SMG1: variants seen among roughly 807,000 people sequenced by gnomAD.
The protein encoded by SMG1 is SMG1 nonsense mediated mRNA decay associated PI3K related kinase.
Under a neutral mutation model 419.9 loss-of-function variants are expected in SMG1, and 22 were observed. The observed-to-expected ratio is 0.05, with a 90% CI of 0.04 to 0.07. The LOEUF (loss-of-function observed/expected upper bound fraction) is 0.07. SMG1 is among the 10% of genes least tolerant of loss of function. The pLI is 1.00. For missense variants in SMG1, 3,185 were observed against 4,342.0 expected (o/e 0.73, Z 7.49); for synonymous variants, 1,538 against 1,553.5 (o/e 0.99, Z 0.23).
At chr16:18,815,389 C>T in intron 59 of SMG1, 51 bp downstream of exon 59, 2 of 1,579,126 alleles carry the variant, frequency 1.3e-6, no homozygotes, top group Non-Finnish European at 8.7e-7. Flanking sequence ...CTTCTTATAC[C>T]AGTAGTTTTG....
chr16:18,861,043 T>C (rs35295984), intron 25 of SMG1: 138,671 of 355,744 alleles, frequency 0.39, 30,230 homozygotes, highest in East Asian at 0.58. Flanking sequence ...GTCTCCTTCC[T>C]GTTTTCATGT....
intron 3 of SMG1, 134 bp from the exon 4 acceptor site, chr16:18,892,488 G>T (rs1226747011): frequency 1.5e-6 from 1 of 664,472 alleles, no homozygotes; most frequent in Non-Finnish European, 2.4e-6. Flanking sequence ...CCAGTACTTT[G>T]GAAGGCGGGT....
chr16:18,849,568 T>G (rs1421109311), intron 35 of SMG1, among the ~76,000 whole-genome samples, 190 bp from the exon 36 acceptor site: 1 of 152,164 alleles, frequency 6.6e-6, no homozygotes. Flanking sequence ...CTGGTTAAGG[T>G]TGGTTTAGAT....
chr16:18,858,237 G>A lies in SMG1; in HGVS notation c.4167C>T (p.Asp1389=), dbSNP rs764504384. The part of the protein sequence containing the change: ...SEALRSCKQH[D]VRPWMQALRY... ...TTAATGCCTGCATCCATGGCCTCACGTCATGCTGTTTACATGAACGTAAAG... is the reference window on the plus strand; with the variant it reads ...TTAATGCCTGCATCCATGGCCTCACATCATGCTGTTTACATGAACGTAAAG... The change falls in exon 29 of 63, where the codon GAC becomes GAT. Residue 1389 remains aspartate (D), a synonymous_variant. Coordinates refer to ENST00000446231, the MANE Select transcript of SMG1 (RefSeq NM_015092.5). 6.8e-6 allele frequency: 11 copies of A among 1,609,404 alleles called. No homozygotes were observed. Among genetic ancestry groups the A allele is most frequent in the South Asian group, 2.2e-5 (2 of 90,200 alleles).
At chr16:18,827,578 AAT>A (rs2032809851) in intron 55 of SMG1, among the ~76,000 whole-genome samples, 1 of 141,954 alleles carries the variant, frequency 7.0e-6, no homozygotes, top group African/African-American at 2.6e-5. Context: ...AATATACCAA[AAT>A]ATATATTTTT....
intron 58 of SMG1, 134 bp downstream of exon 58, chr16:18,816,167 AG>A (rs551296774): frequency 9.5e-5 from 68 of 714,998 alleles, no homozygotes; most frequent in Non-Finnish European, 1.4e-4. Flanking sequence ...AAGTTAACTC[AG>A]TTACAAACAA....
chr16:18,811,613 G>C (rs961693258), intron 62 of SMG1, 148 bp downstream of exon 62: 13 of 761,152 alleles, frequency 1.7e-5, no homozygotes, highest in Admixed American at 4.4e-5. Context: ...GACGACGCCA[G>C]AGCTGTGTTA....
intron 39 of SMG1, among the ~76,000 whole-genome samples, chr16:18,842,952 A>G (rs2034011474): frequency 6.6e-6 from 1 of 152,242 alleles, no homozygotes; most frequent in African/African-American, 2.4e-5. Flanking sequence ...GCCGATGTGC[A>G]TTACAGGATT....
At chr16:18,834,834 G>A in intron 49 of SMG1, 58 bp downstream of exon 49, 1 of 1,541,148 alleles carries the variant, frequency 6.5e-7, no homozygotes. Flanking sequence ...GAACATTTTA[G>A]GTTTGGGATT....
chr16:18,915,729 G>A (rs537937100), intron 1 of SMG1, among the ~76,000 whole-genome samples: 2 of 152,206 alleles, frequency 1.3e-5, no homozygotes, highest in African/African-American at 4.8e-5. Context: ...CTTGACTGAG[G>A]TCATGGTTAC....
chr16:18,807,714 A>T lies in SMG1; in HGVS notation c.*1855T>A, dbSNP rs2030969667. The T allele has an allele frequency of 6.6e-6, 1 of 152,086 alleles. No homozygotes were observed. Among genetic ancestry groups the T allele is most frequent in the Admixed American group, 6.5e-5 (1 of 15,268 alleles). 9.4% of individuals were successfully genotyped at this position (152,086 alleles called of 1,614,324 possible). On this transcript the variant is annotated 3_prime_UTR_variant, in exon 63 of 63. Transcript: ENST00000446231. ...GCAACTAGAAAGTGACCACTGTCCT[A>T]ATCTCTAAAATGCAGGGAAAATGTA... is the stretch of plus-strand genomic sequence containing the variant.
intron 22 of SMG1, among the ~76,000 whole-genome samples, chr16:18,867,906 C>CA (rs2035611383): frequency 6.6e-6 from 1 of 151,716 alleles, no homozygotes; most frequent in Admixed American, 6.6e-5. Flanking sequence ...GGCGGGGTTT[C>CA]ACTGTGTTAG....
At position 18,819,526 on chromosome 16, in the gene SMG1, A is replaced by T; in HGVS notation, c.9870T>A (p.Leu3290=). 1 of 1,610,302 alleles carries T rather than the reference A, an allele frequency of 6.2e-7. No homozygotes were observed. Among genetic ancestry groups the T allele is most frequent in the Non-Finnish European group, 8.5e-7 (1 of 1,178,074 alleles). Residue 3290 remains leucine (L), a synonymous_variant, in exon 56 of 63, where the codon CTT becomes CTA. Transcript: ENST00000446231. ...ATIAERRNLV[L]KESQRASQVT... ...CCTGACTTGCTCTTTGGCTCTCTTTAAGGACAAGATTTCTTCTTTCAGCTA... is the reference window on the plus strand; with the variant it reads ...CCTGACTTGCTCTTTGGCTCTCTTTTAGGACAAGATTTCTTCTTTCAGCTA...
intron 1 of SMG1, chr16:18,925,696 A>G: frequency 1.3e-5 from 1 of 77,186 alleles, no homozygotes; most frequent in Non-Finnish European, 2.4e-5. Context: ...TCCCGACCCC[A>G]GGCCAGTGCC....
At chr16:18,860,338 T>C (rs940178030) in intron 26 of SMG1, among the ~76,000 whole-genome samples, 1 of 152,242 alleles carries the variant, frequency 6.6e-6, no homozygotes, top group Non-Finnish European at 1.5e-5. Context: ...TTATAAAGTG[T>C]TCTATTTGTG....
chr16:18,853,506 A>G (rs747277508), intron 31 of SMG1, 77 bp downstream of exon 31: 277 of 1,233,052 alleles, frequency 2.2e-4, no homozygotes, highest in Non-Finnish European at 2.7e-4. Flanking sequence ...TATAGCCAGC[A>G]TAACATTATA....
Position 18,897,808 on chromosome 16 carries a change from AAAG to A in SMG1, c.93-855_93-853del, listed in dbSNP as rs562579614. On this transcript the variant is annotated intron_variant, in intron 1 of 62. Transcript: ENST00000446231. ...CAGCCATCAATCATAAACTATCAAG[AAAG>A]AAGACAACAAAATAATCTATTATAG... is the stretch of plus-strand genomic sequence containing the variant. Among the ~76,000 whole-genome samples, 408 of 152,266 alleles carry A rather than the reference AAAG, an allele frequency of 2.7e-3. 3 individuals carry two copies. The highest frequency in any genetic ancestry group is 9.3e-3 in the African/African-American group (387 of 41,566).
In SMG1 at chr16:18,814,063, A is replaced by T. The variant is rs950795064; in HGVS notation, c.10621+1112T>A. ...AAAAAAAAATTAAATTAAATTAAAA[A>T]AAAATAAAATAAAATAAAAATAAAT... On this transcript the variant is annotated intron_variant, in intron 60 of 62. Coordinates refer to ENST00000446231, the MANE Select transcript of SMG1 (RefSeq NM_015092.5). 1.6e-4 allele frequency among the ~76,000 whole-genome samples: 24 copies of T among 148,280 alleles called. No homozygotes were observed. The East Asian group carries it at 2.3e-3, about 14-fold the overall frequency.
At position 18,807,329 on chromosome 16, in the gene SMG1, G is replaced by A. The variant is rs2030930585; in HGVS notation, c.*2240C>T. 1 of 152,154 alleles carries A rather than the reference G, an allele frequency of 6.6e-6. No individual in the cohort carries two copies. Among genetic ancestry groups the A allele is most frequent in the Non-Finnish European group, 1.5e-5 (1 of 68,036 alleles). The allele number at this position is 152,154 out of a possible 1,614,324, so 9.4% of individuals were successfully genotyped here. A position where few individuals can be genotyped will look rare whatever the true frequency, so the allele number is the denominator to read the frequency against. ...GAAAGACTTTAATCTTGAGAGAGCA[G>A]AGGTAATGTGATGAATGTAATTTGC... On this transcript the variant is annotated 3_prime_UTR_variant, in exon 63 of 63. Coordinates refer to ENST00000446231, the MANE Select transcript of SMG1 (RefSeq NM_015092.5).
Sources: allele counts gnomAD v4.1 joint callset (sites outside exome capture counted in the v4.1 genomes callset), GRCh38; gene constraint gnomAD v4.1.1; transcripts MANE v1.5; gene names NCBI Gene and HGNC (gene_info 2026-07-23, HGNC 2026-07-21).